The following ERGIC2 variants were observed in gnomAD, a reference collection of about 807,000 sequenced individuals.
The protein encoded by ERGIC2 is endoplasmic reticulum-Golgi intermediate compartment protein 2.
Under a neutral mutation model 52.5 loss-of-function variants are expected in ERGIC2, and 31 were observed. The observed-to-expected ratio is 0.59, with a 90% confidence interval of 0.44 to 0.80. The LOEUF (loss-of-function observed/expected upper bound fraction) is 0.80, where lower values mean the gene tolerates loss of function less well. Among genes scored for constraint, ERGIC2 ranks in the 30% least tolerant of loss-of-function variants. The probability of loss-of-function intolerance (pLI) is 0.00; values close to 1 mark genes in which losing one functional copy is unlikely to be tolerated. For missense variants in ERGIC2, 395 were observed against 455.2 expected, an observed-to-expected ratio of 0.87 and a Z score of 1.20; for synonymous variants, 129 against 140.6, an observed-to-expected ratio of 0.92 and a Z score of 0.58.
intron 9 of ERGIC2, 62 bp downstream of exon 9, chr12:29,349,951 A>G: frequency 9.8e-7 from 1 of 1,015,614 alleles, no homozygotes; most frequent in Non-Finnish European, 1.5e-6. Context: ...CTATATCTGC[A>G]CTTTTAAAAA....
intron 2 of ERGIC2, 137 bp from the exon 3 acceptor site, chr12:29,370,359 G>A: frequency 1.0e-6 from 1 of 983,016 alleles, no homozygotes; most frequent in Non-Finnish European, 1.4e-6. Context: ...GCATACTATA[G>A]AAGGTTTTTA....
chr12:29,341,110 GT>G lies in ERGIC2; in HGVS notation c.*45del, dbSNP rs1565534310. On this transcript the variant is annotated 3_prime_UTR_variant, in exon 14 of 14. Transcript: ENST00000360150. ...CACAATATTTTATTATTAAAAAAAG[GT>G]TTTATGTCTCAGGCAAAAAGTTTTT... is the stretch of plus-strand genomic sequence containing the variant. 1.5e-6 allele frequency: 2 copies of G among 1,306,362 alleles called. No homozygotes were observed. Among genetic ancestry groups the G allele is most frequent in the East Asian group, 4.9e-5 (2 of 40,498 alleles). 80.9% of individuals were successfully genotyped at this position (1,306,362 alleles called of 1,614,324 possible).
intron 3 of ERGIC2, 56 bp downstream of exon 3, chr12:29,370,058 C>T (rs1940420023): frequency 1.4e-6 from 2 of 1,397,884 alleles, no homozygotes; most frequent in Non-Finnish European, 1.9e-6. Context: ...AAAAGGTATG[C>T]TCTTTTTAAA....
At chr12:29,360,536 T>C (rs1256659695) in intron 6 of ERGIC2, among the ~76,000 whole-genome samples, 1 of 147,634 alleles carries the variant, frequency 6.8e-6, no homozygotes, top group Non-Finnish European at 1.5e-5. Context: ...ATAATGAATA[T>C]ATAAACTTTT....
intron 7 of ERGIC2, among the ~76,000 whole-genome samples, chr12:29,357,007 A>C (rs548880230): frequency 6.6e-6 from 1 of 150,764 alleles, no homozygotes; most frequent in South Asian, 2.1e-4. Flanking sequence ...TTGCTCTGCT[A>C]CCCAGGCTGG....
intron 1 of ERGIC2, among the ~76,000 whole-genome samples, chr12:29,377,348 C>T (rs142093020): frequency 4.6e-5 from 7 of 152,272 alleles, no homozygotes; most frequent in Admixed American, 3.9e-4. Flanking sequence ...GTTCCAGGAC[C>T]TCCCTTGGAT....
rs773539746 is a variant in ERGIC2 at position 29,345,400 on chromosome 12, T to A, written c.825+43A>T. 1.1e-5 allele frequency: 13 copies of A among 1,158,484 alleles called. No homozygotes were observed. In the African/African-American group the frequency reaches 1.2e-4, roughly 11 times the overall value. 71.8% of individuals were successfully genotyped at this position (1,158,484 alleles called of 1,614,324 possible). On this transcript the variant is annotated intron_variant, in intron 11 of 13. Coordinates refer to ENST00000360150, the MANE Select transcript of ERGIC2 (RefSeq NM_016570.3). ...GCCAGGAAACTTTAAAATGCTTTTT[T>A]AAAAAAATCACCAAATTATTTTACC...
intron 3 of ERGIC2, among the ~76,000 whole-genome samples, chr12:29,369,821 T>C (rs1257212866): frequency 6.6e-6 from 1 of 151,944 alleles, no homozygotes; most frequent in Non-Finnish European, 1.5e-5. Context: ...TTCAACCAGT[T>C]TCAAATATTA....
At chr12:29,355,528 C>T (rs375185718) in intron 8 of ERGIC2, among the ~76,000 whole-genome samples, 4 of 152,058 alleles carry the variant, frequency 2.6e-5, no homozygotes, top group Non-Finnish European at 4.4e-5. Flanking sequence ...ATGGATGGAT[C>T]TATTTATTCA....
chr12:29,362,612 C>T lies in ERGIC2; in HGVS notation c.334-927G>A, dbSNP rs1006481046. Among the ~76,000 whole-genome samples the T allele has an allele frequency of 5.3e-5, 8 of 151,336 alleles. No individual in the cohort carries two copies. The East Asian group carries it at 7.7e-4, about 15-fold the overall frequency. On this transcript the variant is annotated intron_variant, in intron 5 of 13. Coordinates refer to ENST00000360150, the MANE Select transcript of ERGIC2 (RefSeq NM_016570.3). The stretch of plus-strand genomic sequence containing the variant: ...CTCCGTTTCAAAAAAAAAAAAAATC[C>T]ACTTTACTAGTCCTAGTTCACAGCT...
intron 1 of ERGIC2, among the ~76,000 whole-genome samples, chr12:29,374,067 G>C (rs1940481643): frequency 6.6e-6 from 1 of 151,890 alleles, no homozygotes; most frequent in Non-Finnish European, 1.5e-5. Context: ...TTAAACTCAA[G>C]TCCAACTCCA....
At chr12:29,346,901 C>G (rs555157516) in intron 10 of ERGIC2, among the ~76,000 whole-genome samples, 1 of 152,176 alleles carries the variant, frequency 6.6e-6, no homozygotes, top group South Asian at 2.1e-4. Context: ...ACTAGAGAAG[C>G]AAGTAAATGT....
rs564608668 is a variant in ERGIC2, at chr12:29,340,990, T to A, written c.*166A>T. ...ACATTTGTAACAGACACAACGTATA[T>A]AGAATTTCAGTTTGGGTTTTTTTAT... is the stretch of plus-strand genomic sequence containing the variant. On this transcript the variant is annotated 3_prime_UTR_variant, in exon 14 of 14. Coordinates refer to ENST00000360150, the MANE Select transcript of ERGIC2 (RefSeq NM_016570.3). The A allele has an allele frequency of 5.7e-5, 36 of 632,080 alleles. 1 individual carries two copies. The South Asian group carries it at 6.5e-4, about 11-fold the overall frequency. 39.2% of individuals were successfully genotyped at this position (632,080 alleles called of 1,614,324 possible).
chr12:29,372,809 C>T (rs1036712167), intron 1 of ERGIC2: 3 of 152,014 alleles, frequency 2.0e-5, no homozygotes, highest in Non-Finnish European at 4.4e-5. Context: ...GCATGCACCT[C>T]CACCCCCAGC....
In ERGIC2 at chr12:29,346,250, G is replaced by A. The variant is rs538224081; in HGVS notation, c.728-710C>T. Among the ~76,000 whole-genome samples the A allele has an allele frequency of 6.7e-5, 10 of 149,428 alleles. 1 individual carries two copies. The highest frequency in any genetic ancestry group is 2.1e-4 in the South Asian group (1 of 4,720). ...ATCGCCCAGGCTGGAGTGCAGTGGC[G>A]CAATCACGGCTCACTGCAGCCTTGA... On this transcript the variant is annotated intron_variant, in intron 10 of 13. Coordinates refer to ENST00000360150, the MANE Select transcript of ERGIC2 (RefSeq NM_016570.3).
intron 6 of ERGIC2, among the ~76,000 whole-genome samples, chr12:29,359,658 A>G (rs536409398): frequency 1.3e-5 from 2 of 152,106 alleles, no homozygotes; most frequent in Non-Finnish European, 2.9e-5. Context: ...AAAAATTCTA[A>G]GAGCCCAGAG....
intron 4 of ERGIC2, 75 bp downstream of exon 4, chr12:29,368,166 T>G (rs748754816): frequency 3.4e-6 from 3 of 889,010 alleles, no homozygotes; most frequent in Admixed American, 1.9e-5. Context: ...GTACAACCAG[T>G]GATTTTTATT....
intron 1 of ERGIC2, among the ~76,000 whole-genome samples, chr12:29,378,019 T>C (rs777217658): frequency 6.6e-6 from 1 of 152,202 alleles, no homozygotes; most frequent in East Asian, 1.9e-4. Context: ...ATTTGATACG[T>C]TGAACAAGAT....
intron 8 of ERGIC2, among the ~76,000 whole-genome samples, chr12:29,353,352 T>C (rs1209884368): frequency 6.6e-6 from 1 of 152,218 alleles, no homozygotes; most frequent in African/African-American, 2.4e-5. Flanking sequence ...AGTCTAACAG[T>C]GTTCCTACTA....
Sources: allele counts gnomAD v4.1 joint callset (sites outside exome capture counted in the v4.1 genomes callset), GRCh38; gene constraint gnomAD v4.1.1; transcripts MANE v1.5; gene names NCBI Gene and HGNC (gene_info 2026-07-23, HGNC 2026-07-21).